Variants in ZC2HC1A observed in about 807,000 individuals in gnomAD.
ZC2HC1A encodes zinc finger C2HC-type containing 1A.
ZC2HC1A carries 28 observed loss-of-function variants against 40.7 expected under a neutral mutation model. That is an observed-to-expected ratio of 0.69 (90% CI 0.51 to 0.94). The LOEUF is 0.94. ZC2HC1A is among the 40% of genes least tolerant of loss of function. ZC2HC1A has a pLI of 0.00. For synonymous variants in ZC2HC1A, 129 were observed against 129.2 expected, an observed-to-expected ratio of 1.00 and a Z score of 0.01; for missense variants, 389 against 386.3, an observed-to-expected ratio of 1.01 and a Z score of -0.06.
intron 7 of ZC2HC1A, among the ~76,000 whole-genome samples, chr8:78,714,920 TA>T (rs1811053362): frequency 6.6e-6 from 1 of 152,210 alleles, no homozygotes; most frequent in Admixed American, 6.5e-5. Context: ...AATATAAATT[TA>T]AACTGTTTTT....
chr8:78,681,945 T>C (rs776835178), intron 3 of ZC2HC1A, among the ~76,000 whole-genome samples: 19 of 151,454 alleles, frequency 1.3e-4, no homozygotes, highest in Non-Finnish European at 2.5e-4. Context: ...TCTTACTATG[T>C]TGACCAGGCT....
At chr8:78,693,580 T>C (rs1810294418) in intron 5 of ZC2HC1A, among the ~76,000 whole-genome samples, 1 of 152,114 alleles carries the variant, frequency 6.6e-6, no homozygotes, top group African/African-American at 2.4e-5. Flanking sequence ...GATGGGGTTG[T>C]TTGTTTTTTT....
chr8:78,671,514 G>A (rs1388991573), intron 1 of ZC2HC1A, among the ~76,000 whole-genome samples: 2 of 152,128 alleles, frequency 1.3e-5, no homozygotes, highest in African/African-American at 2.4e-5. Context: ...GGAAAGGTTA[G>A]TGGAGATTGC....
At chr8:78,714,979 A>C (rs1290464342) in intron 7 of ZC2HC1A, among the ~76,000 whole-genome samples, 1 of 152,212 alleles carries the variant, frequency 6.6e-6, no homozygotes, top group African/African-American at 2.4e-5. Context: ...CATGTAAAGC[A>C]TATATACATA....
intron 7 of ZC2HC1A, among the ~76,000 whole-genome samples, chr8:78,702,795 CTAATT>C (rs1810648081): frequency 6.6e-6 from 1 of 152,084 alleles, no homozygotes; most frequent in Admixed American, 6.5e-5. Flanking sequence ...ATCTTGATTT[CTAATT>C]TAATTGTTCT....
chr8:78,692,974 A>C (rs1432790289), intron 5 of ZC2HC1A, among the ~76,000 whole-genome samples: 1 of 152,040 alleles, frequency 6.6e-6, no homozygotes, highest in Non-Finnish European at 1.5e-5. Context: ...GAGTGAGAAC[A>C]TGCGGTGTTT....
chr8:78,690,380 G>A (rs1243255186), intron 5 of ZC2HC1A, among the ~76,000 whole-genome samples: 1 of 152,220 alleles, frequency 6.6e-6, no homozygotes, highest in Admixed American at 6.5e-5. Context: ...CTAACACGGT[G>A]AAACCCCGTC....
At chr8:78,702,339 T>C (rs1053782404) in intron 7 of ZC2HC1A, among the ~76,000 whole-genome samples, 1 of 152,144 alleles carries the variant, frequency 6.6e-6, no homozygotes, top group African/African-American at 2.4e-5. Context: ...TCTGATTGTG[T>C]TTATTTGAAT....
intron 2 of ZC2HC1A, 102 bp downstream of exon 2, chr8:78,675,965 A>G (rs1175367258): frequency 8.3e-6 from 8 of 961,388 alleles, no homozygotes; most frequent in Non-Finnish European, 9.7e-6. Flanking sequence ...ATAGTTTTTG[A>G]AGAGTTAATG....
intron 4 of ZC2HC1A, among the ~76,000 whole-genome samples, chr8:78,688,695 A>G (rs1054702198): frequency 6.6e-6 from 1 of 152,142 alleles, no homozygotes; most frequent in African/African-American, 2.4e-5. Flanking sequence ...TGTCAGTGAG[A>G]TATATTTTAA....
In ZC2HC1A at chr8:78,719,689, C is replaced by T. The variant is rs1811202938; in HGVS notation, c.*2196C>T. 6.6e-6 allele frequency: 1 copy of T among 151,464 alleles called. No individual in the cohort carries two copies. The highest frequency in any genetic ancestry group is 1.5e-5 in the Non-Finnish European group (1 of 67,616). The allele number at this position is 151,464 out of a possible 1,614,324, so 9.4% of individuals were successfully genotyped here. ...ATTGTGGTGACTATTATTTCTTGTC[C>T]ACTATTTGTTTTTTGTTTTTTCACC... On this transcript the variant is annotated 3_prime_UTR_variant, in exon 9 of 9. Transcript: ENST00000263849.
chr8:78,704,876 G>T (rs561364205), intron 7 of ZC2HC1A, among the ~76,000 whole-genome samples: 105 of 151,864 alleles, frequency 6.9e-4, no homozygotes, highest in Non-Finnish European at 1.3e-3. Flanking sequence ...TTTGTTCTTC[G>T]CTTGGTCTCT....
intron 7 of ZC2HC1A, among the ~76,000 whole-genome samples, chr8:78,706,498 T>C (rs555376814): frequency 5.3e-5 from 8 of 152,264 alleles, no homozygotes; most frequent in African/African-American, 1.7e-4. Flanking sequence ...CAAAGATCCG[T>C]TGGAGAAGCG....
chr8:78,712,506 T>C (rs919264522), intron 7 of ZC2HC1A, among the ~76,000 whole-genome samples: 2 of 152,166 alleles, frequency 1.3e-5, no homozygotes, highest in Admixed American at 1.3e-4. Context: ...GATAAGCCGA[T>C]GGTGAACTAT....
At chr8:78,717,165 T>G (rs1020280982) in intron 8 of ZC2HC1A, among the ~76,000 whole-genome samples, 163 bp from the exon 9 acceptor site, 4 of 152,168 alleles carry the variant, frequency 2.6e-5, no homozygotes, top group African/African-American at 9.7e-5. Flanking sequence ...ATGTTAGAAT[T>G]TTAGTATTTA....
intron 5 of ZC2HC1A, among the ~76,000 whole-genome samples, chr8:78,696,333 C>G (rs1028654243): frequency 6.6e-6 from 1 of 152,236 alleles, no homozygotes; most frequent in Non-Finnish European, 1.5e-5. Flanking sequence ...CGTGCCCAGC[C>G]CGTTAAAACC....
intron 5 of ZC2HC1A, among the ~76,000 whole-genome samples, chr8:78,691,381 ATTTG>A (rs1424515546): frequency 6.6e-6 from 1 of 152,064 alleles, no homozygotes; most frequent in Admixed American, 6.6e-5. Context: ...CTGTGGCAAT[ATTTG>A]TTGTGTTGCA....
chr8:78,716,572 G>T (rs1811112600), intron 8 of ZC2HC1A, among the ~76,000 whole-genome samples: 1 of 152,090 alleles, frequency 6.6e-6, no homozygotes, highest in Admixed American at 6.6e-5. Context: ...TGTGACCAAG[G>T]AGAGAGACTT....
intron 3 of ZC2HC1A, among the ~76,000 whole-genome samples, chr8:78,684,527 G>C (rs1432448752): frequency 6.6e-6 from 1 of 152,142 alleles, no homozygotes; most frequent in East Asian, 1.9e-4. Flanking sequence ...TGAGATTTGG[G>C]TGGGGACACA....
Sources: allele counts gnomAD v4.1 joint callset (sites outside exome capture counted in the v4.1 genomes callset), GRCh38; gene constraint gnomAD v4.1.1; transcripts MANE v1.5; gene names NCBI Gene and HGNC (gene_info 2026-07-23, HGNC 2026-07-21).